The following PIGB variants were observed in gnomAD, a reference collection of about 807,000 sequenced individuals.
PIGB encodes the protein GPI alpha-1,2-mannosyltransferase 3.
Under a neutral mutation model 68.4 loss-of-function variants are expected in PIGB, and 58 were observed. The ratio of observed to expected loss-of-function variants is 0.85; its 90% CI spans 0.69 to 1.06. The LOEUF (loss-of-function observed/expected upper bound fraction) is 1.06. Ranked by LOEUF, PIGB falls within the 50% of genes least tolerant of loss-of-function variation. The pLI is 0.00. For missense variants in PIGB, 634 were observed against 655.8 expected, an observed-to-expected ratio of 0.97 and a Z score of 0.36; for synonymous variants, 219 against 220.5, an observed-to-expected ratio of 0.99 and a Z score of 0.06.
chr15:55,331,103 AT>A (rs1298437597), intron 5 of PIGB, among the ~76,000 whole-genome samples: 1 of 152,198 alleles, frequency 6.6e-6, no homozygotes, highest in Non-Finnish European at 1.5e-5. Context: ...GTCTTCCATC[AT>A]TTAGGGGCTT....
chr15:55,345,110 C>T (rs1367077852), intron 9 of PIGB, among the ~76,000 whole-genome samples: 1 of 151,870 alleles, frequency 6.6e-6, no homozygotes, highest in African/African-American at 2.4e-5. Context: ...AGGCTGGTGT[C>T]GAACTCCTGA....
At chr15:55,321,115 T>C (rs980820330) in intron 2 of PIGB, among the ~76,000 whole-genome samples, 158 bp from the exon 3 acceptor site, 4 of 152,008 alleles carry the variant, frequency 2.6e-5, no homozygotes, top group African/African-American at 9.7e-5. Context: ...TGAAAATAGA[T>C]TTTGCCAGGT....
Position 55,355,631 on chromosome 15 carries a change from G to A in PIGB, c.*199G>A, listed in dbSNP as rs982270650. 1.2e-5 allele frequency: 5 copies of A among 400,254 alleles called. No individual in the cohort carries two copies. Among genetic ancestry groups the A allele is most frequent in the African/African-American group, 1.0e-4 (5 of 48,222 alleles). The allele number at this position is 400,254 out of a possible 1,614,324, so 24.8% of individuals were successfully genotyped here. Reference sequence around the variant, plus strand: ...AATACAATGCCAGATTTTAAATAAAGACCTTTAGTTTTCCTCATGGTGTAG... The same window carrying A: ...AATACAATGCCAGATTTTAAATAAAAACCTTTAGTTTTCCTCATGGTGTAG... On this transcript the variant is annotated 3_prime_UTR_variant, in exon 12 of 12. Coordinates refer to ENST00000164305, the MANE Select transcript of PIGB (RefSeq NM_004855.5).
At chr15:55,326,781 G>A (rs893613503) in intron 3 of PIGB, among the ~76,000 whole-genome samples, 1 of 152,200 alleles carries the variant, frequency 6.6e-6, no homozygotes, top group African/African-American at 2.4e-5. Context: ...AGCTTGCAGT[G>A]AGCCGCGGTT....
chr15:55,340,507 G>A, intron 7 of PIGB, 105 bp from the exon 8 acceptor site: 6 of 589,808 alleles, frequency 1.0e-5, no homozygotes, highest in South Asian at 2.8e-5. Context: ...CTGGTTTTTA[G>A]ACTTCAATTC....
chr15:55,331,152 C>G (rs185464041), intron 5 of PIGB, among the ~76,000 whole-genome samples: 32 of 152,208 alleles, frequency 2.1e-4, no homozygotes, highest in Non-Finnish European at 2.4e-4. Flanking sequence ...TAGCAATTAC[C>G]CAGATTTCTC....
At chr15:55,341,910 T>C in intron 9 of PIGB, 108 bp downstream of exon 9, 1 of 416,288 alleles carries the variant, frequency 2.4e-6, no homozygotes, top group East Asian at 4.1e-5. Flanking sequence ...AAGGAATTAC[T>C]TAATTACAGA....
At chr15:55,325,313 G>C (rs1159372986) in intron 3 of PIGB, among the ~76,000 whole-genome samples, 1 of 151,962 alleles carries the variant, frequency 6.6e-6, no homozygotes, top group Non-Finnish European at 1.5e-5. Flanking sequence ...ATGACAGAGT[G>C]AGACTCTGTC....
rs74800201 is a variant in PIGB at position 55,336,125 on chromosome 15, G to A, written c.794+2118G>A. On this transcript the variant is annotated intron_variant, in intron 6 of 11. Transcript: ENST00000164305. ...GCAGGTTGAAAATATCATAAGTCAG[G>A]CAAGGCACAGTGGCTCACACCTGTA... Among the ~76,000 whole-genome samples the A allele has an allele frequency of 1.5e-3, 221 of 152,220 alleles. 1 individual carries two copies. The highest frequency in any genetic ancestry group is 5.3e-3 in the African/African-American group (219 of 41,516).
intron 10 of PIGB, chr15:55,351,959 T>C (rs1595806753): frequency 2.6e-5 from 4 of 155,092 alleles, no homozygotes. Context: ...TTCTTTTTTT[T>C]TTTTTTTAGA....
chr15:55,352,103 C>T lies in PIGB; in HGVS notation c.1337+1191C>T, dbSNP rs2055939076. On this transcript the variant is annotated intron_variant, in intron 10 of 11. Coordinates refer to ENST00000164305, the MANE Select transcript of PIGB (RefSeq NM_004855.5). ...AGCTAAGATTACAGGAATGTGCCAC[C>T]ATGCCCGGCTAATTTTGTATTTTTA... Among the ~76,000 whole-genome samples, 4 of 151,568 alleles carry T rather than the reference C, an allele frequency of 2.6e-5. No homozygotes were observed. In the South Asian group the frequency reaches 8.3e-4, roughly 32 times the overall value.
chr15:55,340,906 G>A (rs1464994388), intron 8 of PIGB, 83 bp downstream of exon 8: 3 of 898,262 alleles, frequency 3.3e-6, no homozygotes, highest in African/African-American at 3.4e-5. Context: ...TAAACTTTAT[G>A]TTTTGGAGGT....
intron 10 of PIGB, among the ~76,000 whole-genome samples, chr15:55,352,865 G>A (rs930038604): frequency 6.6e-6 from 1 of 152,140 alleles, no homozygotes; most frequent in African/African-American, 2.4e-5. Context: ...AATTACAGTG[G>A]TTATCATTTT....
At chr15:55,348,907 TGTGATTG>T (rs1403624037) in intron 9 of PIGB, among the ~76,000 whole-genome samples, 1 of 152,236 alleles carries the variant, frequency 6.6e-6, no homozygotes, top group African/African-American at 2.4e-5. Context: ...CTGCTGTGTC[TGTGATTG>T]GGGTTATTAC....
At position 55,341,741 on chromosome 15, in the gene PIGB, G is replaced by C. The variant is rs2141202079; in HGVS notation, c.1062G>C (p.Met354Ile). The change falls in exon 9 of 12, where the codon ATG becomes ATC. Residue 354 changes from methionine to isoleucine, a missense_variant. By Grantham distance (10) the Met-to-Ile change is conservative. Transcript: ENST00000164305. ...TVLWTLLVYSMLSHKEFRFIY... is the reference protein window; with the variant it reads ...TVLWTLLVYSILSHKEFRFIY... ...ATAATATTTGTTTTTATTACAGCATGTTGAGCCACAAAGAATTCAGGTTTA... is the reference window on the plus strand; with the variant it reads ...ATAATATTTGTTTTTATTACAGCATCTTGAGCCACAAAGAATTCAGGTTTA... 2 of 1,407,430 alleles carry C rather than the reference G, an allele frequency of 1.4e-6. No individual in the cohort carries two copies. The highest frequency in any genetic ancestry group is 1.9e-6 in the Non-Finnish European group (2 of 1,048,050). The allele number at this position is 1,407,430 out of a possible 1,614,324, so 87.2% of individuals were successfully genotyped here.
chr15:55,327,031 T>C (rs2055305000), intron 3 of PIGB, among the ~76,000 whole-genome samples: 1 of 151,926 alleles, frequency 6.6e-6, no homozygotes, highest in Admixed American at 6.6e-5. Flanking sequence ...CTCAGTAGAC[T>C]GAGGCAGGAA....
intron 9 of PIGB, among the ~76,000 whole-genome samples, chr15:55,347,958 T>G (rs565526378): frequency 6.6e-6 from 1 of 151,512 alleles, no homozygotes; most frequent in East Asian, 1.9e-4. Context: ...CCACCTATAC[T>G]ATTGTATTCC....
intron 9 of PIGB, among the ~76,000 whole-genome samples, chr15:55,348,900 CTG>C (rs1212236299): frequency 6.6e-6 from 1 of 152,172 alleles, no homozygotes; most frequent in Non-Finnish European, 1.5e-5. Context: ...TGGGGATCTG[CTG>C]TGTCTGTGAT....
intron 9 of PIGB, among the ~76,000 whole-genome samples, chr15:55,344,967 C>T (rs1315794353): frequency 6.8e-6 from 1 of 146,706 alleles, no homozygotes; most frequent in Non-Finnish European, 1.5e-5. Context: ...GCAATCTCAG[C>T]TCACTACAAC....
Sources: allele counts gnomAD v4.1 joint callset (sites outside exome capture counted in the v4.1 genomes callset), GRCh38; gene constraint gnomAD v4.1.1; transcripts MANE v1.5; gene names NCBI Gene and HGNC (gene_info 2026-07-23, HGNC 2026-07-21).